Variants in RAB11FIP3 observed in about 807,000 individuals in gnomAD.
RAB11FIP3 encodes RAB11 family interacting protein 3.
RAB11FIP3 carries 17 observed loss-of-function variants against 77.8 expected under a neutral mutation model. The ratio of observed to expected loss-of-function variants is 0.22; its 90% CI spans 0.15 to 0.33. RAB11FIP3 has a LOEUF of 0.33. Among genes scored for constraint, RAB11FIP3 ranks in the 10% least tolerant of loss-of-function variants. RAB11FIP3 has a pLI of 1.00. For missense variants in RAB11FIP3, 1,005 were observed against 1,011.2 expected (o/e 0.99, Z 0.08); for synonymous variants, 437 against 448.2 (o/e 0.98, Z 0.31).
intron 5 of RAB11FIP3, among the ~76,000 whole-genome samples, chr16:492,877 G>A (rs1186251066): frequency 6.6e-5 from 10 of 152,284 alleles, no homozygotes; most frequent in Non-Finnish European, 1.3e-4. Context: ...GCAGAGAAGG[G>A]ACTAGGATGT....
intron 2 of RAB11FIP3, among the ~76,000 whole-genome samples, chr16:462,393 A>T (rs539706557): frequency 6.6e-6 from 1 of 152,070 alleles, no homozygotes; most frequent in Non-Finnish European, 1.5e-5. Context: ...AATACAAAAC[A>T]TATAAAAATT....
chr16:452,375 A>C (rs2055423281), intron 1 of RAB11FIP3: 1 of 152,088 alleles, frequency 6.6e-6, no homozygotes, highest in Non-Finnish European at 1.5e-5. Flanking sequence ...AGGACTTAGA[A>C]TTGGGTGCTA....
intron 5 of RAB11FIP3, among the ~76,000 whole-genome samples, chr16:493,731 C>T (rs578246160): frequency 6.4e-4 from 97 of 150,650 alleles, no homozygotes; most frequent in Non-Finnish European, 1.2e-3. Context: ...CTCAGCCTCC[C>T]GAGTAGCTGG....
intron 1 of RAB11FIP3, among the ~76,000 whole-genome samples, chr16:457,310 A>T (rs1339761628): frequency 6.6e-6 from 1 of 152,124 alleles, no homozygotes; most frequent in African/African-American, 2.4e-5. Context: ...GCAATTTGTC[A>T]GTAAGTTTTT....
Position 426,551 on chromosome 16 carries a change from C to T in RAB11FIP3, c.545C>T (p.Pro182Leu), listed in dbSNP as rs780745581. The T allele has an allele frequency of 1.3e-5, 21 of 1,581,026 alleles. No individual in the cohort carries two copies. The highest frequency in any genetic ancestry group is 2.3e-5 in the East Asian group (1 of 42,802). The change falls in exon 1 of 14, where the codon CCG becomes CTG. Residue 182 changes from proline to leucine, a missense_variant. Physicochemically the swap from Pro to Leu is moderately conservative, Grantham distance 98 (BLOSUM62 -3). This residue lies in a region of RAB11FIP3 where 466 missense variants were observed against 408.3 expected (regional missense o/e 1.14). Transcript: ENST00000262305. The surrounding 1 kb of genome is among the most constrained non-coding windows in gnomAD (Gnocchi z 5.0). The part of the protein sequence containing the change: ...LALEQGPGSP[P>L]QPSDLSQTHP... ...CTGGAGCAAGGTCCCGGGTCCCCGC[C>T]GCAGCCCTCGGACCTCAGCCAGACC...
At chr16:460,889 C>T (rs114679439) in intron 1 of RAB11FIP3, among the ~76,000 whole-genome samples, 420 of 152,206 alleles carry the variant, frequency 2.8e-3, no homozygotes, top group African/African-American at 9.6e-3. Context: ...TGGCTGTGAC[C>T]GTCTGCAGTG....
chr16:503,249 G>T, intron 7 of RAB11FIP3, 152 bp downstream of exon 7: 1 of 614,210 alleles, frequency 1.6e-6, no homozygotes, highest in Non-Finnish European at 2.8e-6. Context: ...ATCCAGCCCC[G>T]ATGCTCTTTG....
chr16:509,102 C>T (rs1340837016), intron 8 of RAB11FIP3, among the ~76,000 whole-genome samples: 1 of 152,196 alleles, frequency 6.6e-6, no homozygotes, highest in East Asian at 1.9e-4. Flanking sequence ...CAGGGTTTCA[C>T]CATATTGGTC....
In RAB11FIP3 at chr16:461,519, C is replaced by A; in HGVS notation, c.808+22C>A. The A allele has an allele frequency of 6.3e-7, 1 of 1,590,942 alleles. No homozygotes were observed. Among genetic ancestry groups the A allele is most frequent in the Non-Finnish European group, 8.6e-7 (1 of 1,159,914 alleles). On this transcript the variant is annotated intron_variant, in intron 2 of 13. Transcript: ENST00000262305. This position sits in a 1 kb window ranked among gnomAD's most constrained non-coding sequence, Gnocchi z 4.5. ...GGAGGTCAGTCATCCCCGCCATGAG[C>A]TCCCACCTCCTCTCCCGTTCCTCAG...
At position 426,149 on chromosome 16, in the gene RAB11FIP3, C is replaced by T; in HGVS notation, c.143C>T (p.Pro48Leu). 9.9e-7 allele frequency: 1 copy of T among 1,014,308 alleles called. No individual in the cohort carries two copies. The highest frequency in any genetic ancestry group is 4.5e-5 in the South Asian group (1 of 22,410). The allele number at this position is 1,014,308 out of a possible 1,614,324, so 62.8% of individuals were successfully genotyped here. Residue 48 changes from proline (P) to leucine (L), a missense_variant, in exon 1 of 14, where the codon CCC becomes CTC. Coordinates refer to ENST00000262305, the MANE Select transcript of RAB11FIP3 (RefSeq NM_014700.4). The surrounding 1 kb of genome is among the most constrained non-coding windows in gnomAD (Gnocchi z 5.0). ...CGCCTCGGAGCGCCCGTCGGCGGCCCCGACCCGCAGTCCCCGGGCCTGGAT... is the reference window on the plus strand; with the variant it reads ...CGCCTCGGAGCGCCCGTCGGCGGCCTCGACCCGCAGTCCCCGGGCCTGGAT... The part of the protein sequence containing the change: ...ELRLGAPVGG[P>L]DPQSPGLDEP...
chr16:505,638 G>T lies in RAB11FIP3; in HGVS notation c.1499+11G>T, dbSNP rs368886327. On this transcript the variant is annotated intron_variant, in intron 8 of 13. Coordinates refer to ENST00000262305, the MANE Select transcript of RAB11FIP3 (RefSeq NM_014700.4). The surrounding 1 kb of genome is among the most constrained non-coding windows in gnomAD (Gnocchi z 4.0). ...GCAGCTGGTGCACAGGTGAGCCTGG[G>T]CCAGGAGACCCGGGCCTCTGCGTGG... The T allele has an allele frequency of 6.3e-7, 1 of 1,583,056 alleles. No homozygotes were observed.
chr16:480,561 G>A (rs1276293349), intron 3 of RAB11FIP3, among the ~76,000 whole-genome samples: 4 of 151,952 alleles, frequency 2.6e-5, no homozygotes, highest in Non-Finnish European at 5.9e-5. Context: ...GTGCAGTGGC[G>A]TGATCTCAAT....
At chr16:483,872 C>T (rs966661254) in intron 4 of RAB11FIP3, among the ~76,000 whole-genome samples, 2 of 152,066 alleles carry the variant, frequency 1.3e-5, no homozygotes, top group Admixed American at 1.3e-4. Context: ...AGAAGATCTT[C>T]GCATCTGCTT....
intron 10 of RAB11FIP3, 113 bp from the exon 11 acceptor site, chr16:519,641 G>A (rs2032578359): frequency 1.4e-6 from 2 of 1,409,772 alleles, no homozygotes; most frequent in South Asian, 1.4e-5. Flanking sequence ...AAGCACGGGC[G>A]CCACCGCGTT....
In RAB11FIP3 at chr16:505,740, C is replaced by T. The variant is rs143072367; in HGVS notation, c.1499+113C>T. 7,318 of 941,594 alleles carry T rather than the reference C, an allele frequency of 7.8e-3. 42 individuals are homozygous for T. The highest frequency in any genetic ancestry group is 0.01 in the Non-Finnish European group (6,485 of 642,464). The allele number at this position is 941,594 out of a possible 1,614,324, so 58.3% of individuals were successfully genotyped here. On this transcript the variant is annotated intron_variant, in intron 8 of 13. Transcript: ENST00000262305. This position sits in a 1 kb window ranked among gnomAD's most constrained non-coding sequence, Gnocchi z 4.0. ...AGCAGGGGCTTGGCCACCCGTCCAT[C>T]CCCGTTGGAAGCCGGCTGAGGGGGT...
chr16:492,419 G>GCCGTCCAGA (rs1567392131), intron 5 of RAB11FIP3, among the ~76,000 whole-genome samples: 5 of 70,612 alleles, frequency 7.1e-5, no homozygotes, highest in African/African-American at 3.8e-4. Context: ...GGCCGCCCAG[G>GCCGTCCAGA]GCCCTCCCCG....
At chr16:463,036 A>G (rs1422917501) in intron 2 of RAB11FIP3, among the ~76,000 whole-genome samples, 1 of 152,156 alleles carries the variant, frequency 6.6e-6, no homozygotes, top group Non-Finnish European at 1.5e-5. Flanking sequence ...TGGGGCCTGT[A>G]TCTAGGAGTG....
At chr16:459,629 G>A (rs989132227) in intron 1 of RAB11FIP3, among the ~76,000 whole-genome samples, 24 of 151,788 alleles carry the variant, frequency 1.6e-4, no homozygotes, top group African/African-American at 5.8e-4. Flanking sequence ...TAGAGATGGG[G>A]TTTTGCCATG....
rs1265548593 is a variant in RAB11FIP3 at position 506,091 on chromosome 16, C to T, written c.1499+464C>T. On this transcript the variant is annotated intron_variant, in intron 8 of 13. Coordinates refer to ENST00000262305, the MANE Select transcript of RAB11FIP3 (RefSeq NM_014700.4). The surrounding 1 kb of genome is among the most constrained non-coding windows in gnomAD (Gnocchi z 4.5). ...AGTGACTGCTGAGTACGCGACAGGA[C>T]GCGCAGTCTCATCGCTGTGGGCAGG... 1.3e-5 allele frequency among the ~76,000 whole-genome samples: 2 copies of T among 152,216 alleles called. No homozygotes were observed. Among genetic ancestry groups the T allele is most frequent in the East Asian group, 1.9e-4 (1 of 5,204 alleles).
Sources: gnomAD v4.1 joint callset for allele counts (sites outside exome capture counted in the v4.1 genomes callset) on GRCh38, gnomAD v4.1.1 for gene constraint, gnomAD v4.1.1 regional missense constraint, Gnocchi (gnomAD v3.1) non-coding constraint, MANE v1.5 for transcripts, NCBI Gene and HGNC (gene_info 2026-07-23, HGNC 2026-07-21) for gene names.